The following GPC3 variants were observed in gnomAD, a reference collection of about 807,000 sequenced individuals.
The protein encoded by GPC3 is glypican 3.
Under a neutral mutation model 34.4 loss-of-function variants are expected in GPC3, and 3 were observed. The observed-to-expected ratio is 0.09, with a 90% confidence interval of 0.04 to 0.23. The LOEUF (loss-of-function observed/expected upper bound fraction) is 0.23, where lower values mean the gene tolerates loss of function less well. GPC3 is among the 10% of genes least tolerant of loss of function. The pLI is 1.00. For synonymous variants in GPC3, 177 were observed against 174.0 expected (o/e 1.02, Z -0.13); for missense variants, 351 against 445.6 (o/e 0.79, Z 1.91).
intron 5 of GPC3, among the ~76,000 whole-genome samples, chrX:133,681,202 C>A (rs977128580): frequency 9.0e-6 from 1 of 111,713 alleles, no homozygotes; most frequent in Non-Finnish European, 1.9e-5. Context: ...CTCCTGGAAT[C>A]TTTTCAACAA....
chrX:133,717,608 C>A (rs1171736120), intron 3 of GPC3, among the ~76,000 whole-genome samples: 7 of 110,800 alleles, frequency 6.3e-5, no homozygotes, highest in Non-Finnish European at 1.3e-4. Flanking sequence ...AACCCTCTCA[C>A]GAGGACCCCC....
intron 2 of GPC3, among the ~76,000 whole-genome samples, chrX:133,826,940 A>T (rs916612548): frequency 4.5e-5 from 5 of 112,113 alleles, no homozygotes; most frequent in Non-Finnish European, 9.4e-5. Flanking sequence ...ATCTATCAAA[A>T]CTATGCCTCT....
At chrX:133,542,075 C>T (rs774250886) in intron 7 of GPC3, among the ~76,000 whole-genome samples, 16 of 112,188 alleles carry the variant, frequency 1.4e-4, no homozygotes, top group Middle Eastern at 4.6e-3. Flanking sequence ...GTGGCTGTCC[C>T]TGACAGGGCC....
At chrX:133,985,228 C>T (rs1280501503) in intron 1 of GPC3, 47 bp downstream of exon 1, 39 of 1,192,139 alleles carry the variant, frequency 3.3e-5, no homozygotes, top group Non-Finnish European at 4.3e-5. Context: ...CCACGCGCGC[C>T]TTGCTCCCCG....
At chrX:133,642,601 G>A (rs1173736465) in intron 6 of GPC3, among the ~76,000 whole-genome samples, 2 of 109,120 alleles carry the variant, frequency 1.8e-5, no homozygotes, top group African/African-American at 3.3e-5. Context: ...GAGAAACCCC[G>A]TCTCTACTAA....
At chrX:133,875,295 A>G (rs760809514) in intron 2 of GPC3, among the ~76,000 whole-genome samples, 28 of 111,930 alleles carry the variant, frequency 2.5e-4, no homozygotes, top group African/African-American at 8.8e-4. Context: ...TTATTTTACA[A>G]TGCCACATGT....
intron 2 of GPC3, among the ~76,000 whole-genome samples, chrX:133,903,963 G>A (rs1008257255): frequency 8.9e-6 from 1 of 111,913 alleles, no homozygotes; most frequent in Non-Finnish European, 1.9e-5. Context: ...CTGGCTCAGG[G>A]TAGCAATGGG....
chrX:133,644,184 T>G (rs924890996), intron 6 of GPC3, among the ~76,000 whole-genome samples: 15 of 111,156 alleles, frequency 1.3e-4, no homozygotes, highest in Non-Finnish European at 3.8e-5. Flanking sequence ...TACATCTTTG[T>G]AGATTGTCAT....
chrX:133,643,670 G>A (rs755918611), intron 6 of GPC3, among the ~76,000 whole-genome samples: 33 of 110,417 alleles, frequency 3.0e-4, no homozygotes, highest in Admixed American at 2.4e-3. Context: ...CATAGTCTGC[G>A]TTGTTTTTTA....
chrX:133,788,790 C>A (rs1348307835), intron 2 of GPC3, among the ~76,000 whole-genome samples: 1 of 100,951 alleles, frequency 9.9e-6, no homozygotes, highest in East Asian at 3.4e-4. Context: ...GTTTCTTCTT[C>A]CTTTTCTTCA....
chrX:133,979,556 T>C (rs758152637), intron 1 of GPC3, among the ~76,000 whole-genome samples: 1 of 112,068 alleles, frequency 8.9e-6, no homozygotes. Flanking sequence ...AAGGCTACAA[T>C]GTTCCAATGA....
intron 3 of GPC3, among the ~76,000 whole-genome samples, chrX:133,732,406 A>T (rs1224810430): frequency 8.9e-6 from 1 of 111,904 alleles, no homozygotes; most frequent in Non-Finnish European, 1.9e-5. Flanking sequence ...TCAGAGGTCT[A>T]GGTTAGTTCG....
intron 6 of GPC3, among the ~76,000 whole-genome samples, chrX:133,653,216 T>G (rs761548740): frequency 1.1e-4 from 12 of 112,101 alleles, no homozygotes; most frequent in African/African-American, 3.2e-4. Context: ...TTAAGTGAAA[T>G]CTTACTTAGA....
At chrX:133,941,598 T>G (rs1469350072) in intron 2 of GPC3, among the ~76,000 whole-genome samples, 1 of 112,154 alleles carries the variant, frequency 8.9e-6, no homozygotes, top group Non-Finnish European at 1.9e-5. Flanking sequence ...TTAGAGACTT[T>G]GAATTACCTA....
chrX:133,880,432 T>C (rs970967627), intron 2 of GPC3, among the ~76,000 whole-genome samples: 1 of 111,877 alleles, frequency 8.9e-6, no homozygotes, highest in Admixed American at 9.5e-5. Context: ...TACCGTTTCA[T>C]AGTAAAGATC....
At chrX:133,708,893 T>A (rs1296679839) in intron 3 of GPC3, among the ~76,000 whole-genome samples, 3 of 112,486 alleles carry the variant, frequency 2.7e-5, no homozygotes, top group African/African-American at 9.7e-5. Context: ...CATTTGTTTA[T>A]CTGATTAACT....
intron 7 of GPC3, among the ~76,000 whole-genome samples, chrX:133,580,257 C>T (rs2069721094): frequency 8.9e-6 from 1 of 112,013 alleles, no homozygotes; most frequent in African/African-American, 3.2e-5. Flanking sequence ...GGAAGGCAGA[C>T]TAACTTTCAT....
intron 7 of GPC3, among the ~76,000 whole-genome samples, chrX:133,549,947 C>A (rs1436431932): frequency 9.5e-6 from 1 of 105,702 alleles, no homozygotes; most frequent in Non-Finnish European, 1.9e-5. Flanking sequence ...TCTCTCCTTC[C>A]TCCCCCCTCT....
At position 133,846,450 on chromosome X, in the gene GPC3, C is replaced by G. The variant is rs180935942; in HGVS notation, c.338-92274G>C. ...ATGACAAATACTCTAATATTTACCT[C>G]CTTTATACATGACATAGCTAATGAA... On this transcript the variant is annotated intron_variant, in intron 2 of 7. Transcript: ENST00000370818. Among the ~76,000 whole-genome samples, 54 of 111,767 alleles carry G rather than the reference C, an allele frequency of 4.8e-4. 1 individual carries two copies. The highest frequency in any genetic ancestry group is 1.7e-3 in the African/African-American group (53 of 30,851).
Sources: allele counts gnomAD v4.1 joint callset (sites outside exome capture counted in the v4.1 genomes callset), GRCh38; gene constraint gnomAD v4.1.1; transcripts MANE v1.5; gene names NCBI Gene and HGNC (gene_info 2026-07-23, HGNC 2026-07-21).